The following SDK1 variants were observed in gnomAD, a reference collection of about 807,000 sequenced individuals.
The protein encoded by SDK1 is protein sidekick-1.
Under a neutral mutation model 245.5 loss-of-function variants are expected in SDK1, and 157 were observed. The ratio of observed to expected loss-of-function variants is 0.64; its 90% confidence interval spans 0.56 to 0.73. The LOEUF (loss-of-function observed/expected upper bound fraction) is 0.73, where lower values mean the gene tolerates loss of function less well. Among genes scored for constraint, SDK1 ranks in the 30% least tolerant of loss-of-function variants. The pLI, the probability that SDK1 is intolerant of heterozygous loss-of-function variation, is 0.00. For missense variants in SDK1, 3,583 were observed against 3,002.3 expected (o/e 1.19, Z -4.52); for synonymous variants, 1,647 against 1,278.5 (o/e 1.29, Z -6.15).
At chr7:3,719,123 C>G (rs1319038161) in intron 4 of SDK1, among the ~76,000 whole-genome samples, 1 of 151,946 alleles carries the variant, frequency 6.6e-6, no homozygotes, top group Non-Finnish European at 1.5e-5. Context: ...GTCTGTATTT[C>G]ATTTGGGGAT....
chr7:3,906,387 T>C (rs1778928961), intron 5 of SDK1, among the ~76,000 whole-genome samples: 1 of 146,768 alleles, frequency 6.8e-6, no homozygotes, highest in Non-Finnish European at 1.5e-5. Flanking sequence ...TGCGTATGTG[T>C]GTGTGTGTGT....
intron 22 of SDK1, among the ~76,000 whole-genome samples, chr7:4,101,692 C>G (rs905587416): frequency 6.6e-6 from 1 of 152,096 alleles, no homozygotes; most frequent in Non-Finnish European, 1.5e-5. Flanking sequence ...GGAGGAAGAT[C>G]GCGGTTCTGG....
intron 22 of SDK1, among the ~76,000 whole-genome samples, chr7:4,094,352 G>A (rs1034385539): frequency 6.6e-5 from 10 of 152,166 alleles, no homozygotes; most frequent in Admixed American, 2.0e-4. Flanking sequence ...GTGAGCCACC[G>A]CGCCCGGCCC....
chr7:4,068,076 C>A, intron 20 of SDK1, 140 bp downstream of exon 20: 1 of 639,388 alleles, frequency 1.6e-6, no homozygotes. Context: ...GTCTTCCTGG[C>A]CGTGTGGCAG....
intron 4 of SDK1, among the ~76,000 whole-genome samples, chr7:3,749,354 C>G (rs1271460009): frequency 6.6e-6 from 1 of 152,100 alleles, no homozygotes; most frequent in Non-Finnish European, 1.5e-5. Context: ...GGCTGGAGTG[C>G]AATGGCACGA....
At chr7:3,803,793 G>A (rs1215242071) in intron 4 of SDK1, among the ~76,000 whole-genome samples, 2 of 146,800 alleles carry the variant, frequency 1.4e-5, no homozygotes, top group African/African-American at 5.1e-5. Flanking sequence ...TGTTGCCCAG[G>A]CTGGAGTGCA....
chr7:3,438,847 A>ATGTTT (rs1562486729), intron 1 of SDK1, among the ~76,000 whole-genome samples: 15 of 110,186 alleles, frequency 1.4e-4, no homozygotes, highest in African/African-American at 5.4e-4. Context: ...CTTTGTATTA[A>ATGTTT]TATTTTTTTT....
At chr7:3,711,701 G>A (rs970432809) in intron 4 of SDK1, among the ~76,000 whole-genome samples, 5 of 152,168 alleles carry the variant, frequency 3.3e-5, no homozygotes, top group African/African-American at 1.2e-4. Flanking sequence ...TCATAAGCCA[G>A]GCAAAGGGTC....
intron 4 of SDK1, among the ~76,000 whole-genome samples, chr7:3,798,548 T>G (rs55643552): frequency 0.044 from 6,624 of 152,142 alleles, 476 homozygotes; most frequent in African/African-American, 0.15. Context: ...TGCTGACCCG[T>G]TGCTTTTTAA....
intron 40 of SDK1, among the ~76,000 whole-genome samples, chr7:4,229,210 C>T (rs952239529): frequency 4.6e-5 from 7 of 152,148 alleles, no homozygotes; most frequent in African/African-American, 1.4e-4. Context: ...ATAGAGTGGA[C>T]GCCTTACCAG....
chr7:3,631,703 G>T (rs1443923655), intron 2 of SDK1, among the ~76,000 whole-genome samples: 1 of 152,190 alleles, frequency 6.6e-6, no homozygotes, highest in Admixed American at 6.5e-5. Context: ...CTCTGAGGCA[G>T]AATTAGCATT....
At chr7:4,221,459 A>T in intron 40 of SDK1, 95 bp downstream of exon 40, 1 of 1,441,876 alleles carries the variant, frequency 6.9e-7, no homozygotes, top group East Asian at 2.5e-5. Flanking sequence ...CTCTTTCAGC[A>T]TTTTCCCCCC....
At chr7:3,650,003 T>A (rs1336016716) in intron 4 of SDK1, among the ~76,000 whole-genome samples, 2 of 111,532 alleles carry the variant, frequency 1.8e-5, no homozygotes, top group African/African-American at 5.4e-5. Context: ...GAGGTTGCTA[T>A]TTTTTGTTTT....
At chr7:3,906,424 G>A (rs758287807) in intron 5 of SDK1, among the ~76,000 whole-genome samples, 6 of 151,900 alleles carry the variant, frequency 3.9e-5, no homozygotes, top group Non-Finnish European at 7.4e-5. Flanking sequence ...GACAGAGAGC[G>A]CGCGAGTGCA....
chr7:4,161,886 G>C (rs776202370), intron 32 of SDK1, 30 bp downstream of exon 32: 4 of 1,589,236 alleles, frequency 2.5e-6, no homozygotes, highest in African/African-American at 1.3e-5. Context: ...CGCGCGTTTT[G>C]TCAAATGTGT....
At chr7:3,953,231 A>T (rs1209289137) in intron 7 of SDK1, among the ~76,000 whole-genome samples, 1 of 152,250 alleles carries the variant, frequency 6.6e-6, no homozygotes, top group Non-Finnish European at 1.5e-5. Context: ...TACTGCACAA[A>T]AGGTGGTTTA....
intron 4 of SDK1, among the ~76,000 whole-genome samples, chr7:3,664,270 A>G (rs1053728158): frequency 1.3e-5 from 2 of 152,106 alleles, no homozygotes; most frequent in Admixed American, 6.5e-5. Flanking sequence ...GACCATGGCA[A>G]ATGTTGCAAT....
At chr7:3,862,753 T>G (rs77742302) in intron 5 of SDK1, among the ~76,000 whole-genome samples, 2 of 152,140 alleles carry the variant, frequency 1.3e-5, no homozygotes, top group African/African-American at 4.8e-5. Context: ...TACTTCAGTG[T>G]TCCTTAGAGC....
intron 16 of SDK1, among the ~76,000 whole-genome samples, chr7:4,013,757 T>A (rs1375877206): frequency 6.6e-6 from 1 of 152,182 alleles, no homozygotes; most frequent in African/African-American, 2.4e-5. Flanking sequence ...CTGAAGTGGT[T>A]TAAATGGGCC....
Sources: gnomAD v4.1 joint callset for allele counts (sites outside exome capture counted in the v4.1 genomes callset) on GRCh38, gnomAD v4.1.1 for gene constraint, MANE v1.5 for transcripts, NCBI Gene and HGNC (gene_info 2026-07-23, HGNC 2026-07-21) for gene names.